The following AFDN variants were observed in gnomAD, a reference collection of about 807,000 sequenced individuals.
AFDN encodes afadin, adherens junction formation factor.
A neutral mutation model predicts 216.6 loss-of-function variants in AFDN; 68 were observed. The observed-to-expected ratio is 0.31, with a 90% CI of 0.26 to 0.38. The LOEUF (loss-of-function observed/expected upper bound fraction) is 0.38. Among genes scored for constraint, AFDN ranks in the 10% least tolerant of loss-of-function variants. AFDN has a pLI of 1.00. For synonymous variants in AFDN, 868 were observed against 853.7 expected, an observed-to-expected ratio of 1.02 and a Z score of -0.29; for missense variants, 2,136 against 2,342.0, an observed-to-expected ratio of 0.91 and a Z score of 1.82.
At position 167,856,933 on chromosome 6, in the gene AFDN, C is replaced by T. The variant is rs184486362; in HGVS notation, c.106-7618C>T. 4.6e-3 allele frequency among the ~76,000 whole-genome samples: 697 copies of T among 152,092 alleles called. 2 individuals carry two copies. The highest frequency in any genetic ancestry group is 7.3e-3 in the Non-Finnish European group (498 of 67,970). On this transcript the variant is annotated intron_variant, in intron 1 of 33. Coordinates refer to ENST00000683244, the MANE Select transcript of AFDN (RefSeq NM_001386888.1). ...TTATAAAATTGTATAGTTTTGTTGT[C>T]ACATATGATGGCATATATTTATATA...
chr6:167,948,849 A>G (rs539310036), intron 29 of AFDN, among the ~76,000 whole-genome samples: 38 of 152,356 alleles, frequency 2.5e-4, no homozygotes, highest in Admixed American at 1.5e-3. Context: ...CACAACAGAC[A>G]CAGCATGGTC....
intron 21 of AFDN, among the ~76,000 whole-genome samples, chr6:167,921,383 C>T (rs192328347): frequency 1.5e-4 from 23 of 152,344 alleles, no homozygotes; most frequent in Admixed American, 1.2e-3. Context: ...TCATTGTACA[C>T]GTAGCTTAGT....
chr6:167,842,546 T>C (rs1393937852), intron 1 of AFDN, among the ~76,000 whole-genome samples: 1 of 25,750 alleles, frequency 3.9e-5, no homozygotes, highest in African/African-American at 4.5e-4. Flanking sequence ...CTGGCATTCC[T>C]GGGTCACAGT....
rs1797129979 is a variant in AFDN at position 167,962,457 on chromosome 6, C to A, written c.4858C>A (p.Gln1620Lys). 6.2e-7 allele frequency: 1 copy of A among 1,613,660 alleles called. No individual in the cohort carries two copies. Among genetic ancestry groups the A allele is most frequent in the South Asian group, 1.1e-5 (1 of 91,072 alleles). ...ARLQDEERRR[Q>K]QQLEEMRKRE... ...GTTGCAGGACGAGGAGCGGAGGCGG[C>A]AGCAGCAGTTAGAAGAGATGCGCAA... Residue 1620 changes from glutamine (Q) to lysine (K), a missense_variant, in exon 31 of 34, where the codon CAG becomes AAG. Physicochemically the swap from Gln to Lys is moderately conservative, Grantham distance 53. This residue lies in a region of AFDN where 981 missense variants were observed against 966.0 expected (regional missense o/e 1.02). Transcript: ENST00000683244. The surrounding 1 kb of genome is among the most constrained non-coding windows in gnomAD (Gnocchi z 5.2).
chr6:167,912,437 T>C (rs535307922), intron 15 of AFDN, among the ~76,000 whole-genome samples: 6 of 152,344 alleles, frequency 3.9e-5, no homozygotes, highest in African/African-American at 1.4e-4. Flanking sequence ...TCCTTCAGAA[T>C]TGTTTTCAAA....
Position 167,898,278 on chromosome 6 carries a change from G to T in AFDN, c.1391G>T (p.Arg464Ile). ...NMDGVVTVTP[R>I]SMDAETYVEG... ...GATGGAGTGGTCACTGTGACGCCCA[G>T]AAGTATGGACGCAGAAACCTACGTG... Residue 464 changes from arginine to isoleucine, a missense_variant, in exon 11 of 34, where the codon AGA becomes ATA. Arg to Ile is a moderately conservative substitution (Grantham distance 97, BLOSUM62 -3). Coordinates refer to ENST00000683244, the MANE Select transcript of AFDN (RefSeq NM_001386888.1). 6.2e-7 allele frequency: 1 copy of T among 1,614,146 alleles called. No homozygotes were observed. Among genetic ancestry groups the T allele is most frequent in the Non-Finnish European group, 8.5e-7 (1 of 1,180,024 alleles).
Position 167,880,489 on chromosome 6 carries a change from A to T in AFDN, c.869A>T (p.Glu290Val), listed in dbSNP as rs1583262725. The change falls in exon 6 of 34, where the codon GAA becomes GTA. Residue 290 changes from glutamate to valine, a missense_variant. Coordinates refer to ENST00000683244, the MANE Select transcript of AFDN (RefSeq NM_001386888.1). ...EALEKYGLEK[E>V]NPKDYCIARV... ...TTAGAGAAGTATGGTCTGGAAAAAGAAAACCCTAAGGATTACTGCATCGCC... is the reference window on the plus strand; with the variant it reads ...TTAGAGAAGTATGGTCTGGAAAAAGTAAACCCTAAGGATTACTGCATCGCC... 6.2e-7 allele frequency: 1 copy of T among 1,613,824 alleles called. No individual in the cohort carries two copies. Among genetic ancestry groups the T allele is most frequent in the Non-Finnish European group, 8.5e-7 (1 of 1,179,768 alleles).
At chr6:167,893,562 T>C (rs1254643088) in intron 8 of AFDN, 10 of 317,936 alleles carry the variant, frequency 3.1e-5, no homozygotes, top group Non-Finnish European at 6.0e-5. Flanking sequence ...CCCAGTGGGG[T>C]GGTAGCCCTC....
chr6:167,839,113 G>A lies in AFDN; in HGVS notation c.105+11876G>A, dbSNP rs188480792. On this transcript the variant is annotated intron_variant, in intron 1 of 33. Coordinates refer to ENST00000683244, the MANE Select transcript of AFDN (RefSeq NM_001386888.1). ...CTACCTGTTTATAATTTGTGTAGCT[G>A]CTGAACAGTAGCTTCTGATAAATCA... Among the ~76,000 whole-genome samples, 552 of 152,224 alleles carry A rather than the reference G, an allele frequency of 3.6e-3. 4 individuals carry two copies. Among genetic ancestry groups the A allele is most frequent in the African/African-American group, 0.012 (517 of 41,534 alleles).
chr6:167,893,994 G>A, intron 9 of AFDN, 88 bp downstream of exon 9: 1 of 1,002,334 alleles, frequency 1.0e-6, no homozygotes, highest in South Asian at 1.4e-5. Context: ...AATATCTTAT[G>A]TATCAGTTTT....
At chr6:167,894,062 C>T (rs748902787) in intron 9 of AFDN, among the ~76,000 whole-genome samples, 156 bp downstream of exon 9, 7 of 151,994 alleles carry the variant, frequency 4.6e-5, no homozygotes, top group Non-Finnish European at 1.0e-4. Flanking sequence ...TTTATTTGTA[C>T]CTAGTAAGTT....
intron 1 of AFDN, among the ~76,000 whole-genome samples, chr6:167,840,860 C>A (rs926002174): frequency 6.6e-6 from 1 of 152,002 alleles, no homozygotes; most frequent in Non-Finnish European, 1.5e-5. Context: ...CCCTGGCAGC[C>A]GAGTCTGTGG....
At position 167,962,552 on chromosome 6, in the gene AFDN, A is replaced by T; in HGVS notation, c.4953A>T (p.Arg1651=). ...GGCAGGAGGAGGAGCGAACAAAACG[A>T]GACGCTGAAGAAAAGGTTATGGTCC... ...RRRQEEERTK[R]DAEEKRRQEE... Residue 1651 remains arginine (R), a synonymous_variant, in exon 31 of 34, where the codon CGA becomes CGT. Coordinates refer to ENST00000683244, the MANE Select transcript of AFDN (RefSeq NM_001386888.1). This position sits in a 1 kb window ranked among gnomAD's most constrained non-coding sequence, Gnocchi z 5.2. 1 of 1,613,892 alleles carries T rather than the reference A, an allele frequency of 6.2e-7. No individual in the cohort carries two copies. Among genetic ancestry groups the T allele is most frequent in the African/African-American group, 1.3e-5 (1 of 75,004 alleles).
rs113742209 is a variant in AFDN, at chr6:167,899,917, A to G, written c.1580+1450A>G. Among the ~76,000 whole-genome samples the G allele has an allele frequency of 2.5e-3, 378 of 152,318 alleles. 2 individuals are homozygous for G. Among genetic ancestry groups the G allele is most frequent in the African/African-American group, 8.6e-3 (358 of 41,570 alleles). On this transcript the variant is annotated intron_variant, in intron 11 of 33. Transcript: ENST00000683244. ...ATTCTAGTAGCAGCCTGTGTCCCAC[A>G]CCTAGTCTGCCCTTCGGTTTTGCTT...
chr6:167,952,077 A>G lies in AFDN; in HGVS notation c.4723A>G (p.Lys1575Glu), dbSNP rs768780717. The change falls in exon 30 of 34, where the codon AAG becomes GAG. Residue 1575 changes from lysine to glutamate, a missense_variant. Around this residue, in one of 8 missense-constraint regions of AFDN, gnomAD observed 981 missense variants for 966.0 expected, o/e 1.02. Transcript: ENST00000683244. ...RKLMLEWQFQKRLQESKQKDE... is the reference protein window; with the variant it reads ...RKLMLEWQFQERLQESKQKDE... ...GCTCATGCTGGAGTGGCAGTTCCAG[A>G]AGAGACTCCAGGAGTCGAAGCAGAA... 3.1e-6 allele frequency: 5 copies of G among 1,614,074 alleles called. No homozygotes were observed. The South Asian group carries it at 5.5e-5, about 18-fold the overall frequency.
intron 2 of AFDN, 141 bp downstream of exon 2, chr6:167,864,887 A>C (rs764668388): frequency 1.1e-6 from 1 of 892,356 alleles, no homozygotes; most frequent in Non-Finnish European, 1.9e-6. Context: ...AGTAGCTGGC[A>C]GGCTGAGAAA....
Position 167,971,329 on chromosome 6 carries a change from T to C in AFDN, c.*1394T>C, listed in dbSNP as rs999872326. 2.8e-5 allele frequency: 6 copies of C among 215,296 alleles called. No individual in the cohort carries two copies. Among genetic ancestry groups the C allele is most frequent in the Admixed American group, 1.2e-4 (2 of 17,152 alleles). The allele number at this position is 215,296 out of a possible 1,614,324, so 13.3% of individuals were successfully genotyped here. A position where few individuals can be genotyped will look rare whatever the true frequency, so the allele number is the denominator to read the frequency against. ...TGTTCTCTTACATATGTTAGGAAAA[T>C]AGGCACACTTTCAAAGAGAGGTATA... On this transcript the variant is annotated 3_prime_UTR_variant, in exon 34 of 34. Transcript: ENST00000683244.
intron 21 of AFDN, among the ~76,000 whole-genome samples, chr6:167,921,808 T>TAA (rs3837051): frequency 6.7e-5 from 10 of 148,310 alleles, no homozygotes; most frequent in South Asian, 2.1e-4. Context: ...ATTTAAAAAA[T>TAA]AAAAAAAAAA....
chr6:167,934,851 A>T (rs1043964237), intron 23 of AFDN, among the ~76,000 whole-genome samples: 1 of 152,182 alleles, frequency 6.6e-6, no homozygotes. Flanking sequence ...GACTACCTAC[A>T]CTTCTATAAG....
Sources: allele counts gnomAD v4.1 joint callset (sites outside exome capture counted in the v4.1 genomes callset), GRCh38; gene constraint gnomAD v4.1.1; regional missense constraint gnomAD v4.1.1; non-coding constraint Gnocchi (gnomAD v3.1); transcripts MANE v1.5; gene names NCBI Gene and HGNC (gene_info 2026-07-23, HGNC 2026-07-21).